Variants in SEC23B observed in about 807,000 individuals in gnomAD.
SEC23B encodes the protein protein transport protein Sec23B.
SEC23B carries 77 observed loss-of-function variants against 104.3 expected under a neutral mutation model. That is an observed-to-expected ratio of 0.74 (90% CI 0.61 to 0.89). SEC23B has a LOEUF of 0.89. Ranked by LOEUF, SEC23B falls within the 40% of genes least tolerant of loss-of-function variation. The probability of loss-of-function intolerance (pLI) is 0.00; values close to 1 mark genes in which losing one functional copy is unlikely to be tolerated. For missense variants in SEC23B, 885 were observed against 949.4 expected, an observed-to-expected ratio of 0.93 and a Z score of 0.89; for synonymous variants, 338 against 332.5, an observed-to-expected ratio of 1.02 and a Z score of -0.18.
intron 1 of SEC23B, 50 bp from the exon 2 acceptor site, chr20:18,510,772 T>G (rs756961943): frequency 3.5e-6 from 5 of 1,412,526 alleles, no homozygotes; most frequent in Non-Finnish European, 5.0e-6. Flanking sequence ...TTTTTGACAT[T>G]TAGTTCAGAA....
At chr20:18,512,400 G>A in intron 3 of SEC23B, 118 bp downstream of exon 3, 1 of 662,096 alleles carries the variant, frequency 1.5e-6, no homozygotes, top group Admixed American at 2.5e-5. Context: ...CTGAACTCAG[G>A]GTGATAACTT....
intron 15 of SEC23B, among the ~76,000 whole-genome samples, chr20:18,547,973 C>T (rs1017161277): frequency 9.2e-5 from 14 of 151,874 alleles, no homozygotes; most frequent in East Asian, 3.9e-4. Flanking sequence ...TTTTTTGAGA[C>T]GGAGTTTTGC....
chr20:18,555,314 G>A (rs747714499), intron 19 of SEC23B, 141 bp downstream of exon 19: 3 of 724,538 alleles, frequency 4.1e-6, no homozygotes, highest in Non-Finnish European at 7.2e-6. Context: ...GAGTGGCGGG[G>A]AGGGAAACAA....
intron 15 of SEC23B, among the ~76,000 whole-genome samples, chr20:18,546,555 A>G (rs1394531974): frequency 6.6e-6 from 1 of 152,236 alleles, no homozygotes; most frequent in African/African-American, 2.4e-5. Flanking sequence ...GAAGTAGATG[A>G]ATTTCCGTCT....
rs1329111874 is a variant in SEC23B, at chr20:18,542,927, C to A, written c.1512-92C>A. 2.0e-6 allele frequency: 3 copies of A among 1,519,766 alleles called. No individual in the cohort carries two copies. In the African/African-American group the frequency reaches 4.1e-5, roughly 21 times the overall value. 94.1% of individuals were successfully genotyped at this position (1,519,766 alleles called of 1,614,324 possible). A position where few individuals can be genotyped will look rare whatever the true frequency, so the allele number is the denominator to read the frequency against. Reference sequence around the variant, plus strand: ...GTGTTGGGATTTCAGGAATGAGCCACTGCACCTAGCCTGTGTTTCTTTTTC... The same window carrying A: ...GTGTTGGGATTTCAGGAATGAGCCAATGCACCTAGCCTGTGTTTCTTTTTC... On this transcript the variant is annotated intron_variant, in intron 13 of 19. Coordinates refer to ENST00000650089, the MANE Select transcript of SEC23B (RefSeq NM_006363.6).
chr20:18,545,819 G>A, intron 14 of SEC23B, 137 bp from the exon 15 acceptor site: 1 of 710,832 alleles, frequency 1.4e-6, no homozygotes, highest in Non-Finnish European at 2.6e-6. Context: ...AGAAGTGCTA[G>A]TCTAGGACTT....
intron 5 of SEC23B, 21 bp downstream of exon 5, chr20:18,524,690 G>A (rs1275079905): frequency 6.3e-7 from 1 of 1,590,332 alleles, no homozygotes; most frequent in South Asian, 1.1e-5. Flanking sequence ...TACTTGTACA[G>A]GAGCAGAAAC....
chr20:18,549,561 A>G (rs1334148186), intron 16 of SEC23B, among the ~76,000 whole-genome samples: 3 of 152,178 alleles, frequency 2.0e-5, no homozygotes, highest in South Asian at 2.1e-4. Context: ...AATAAAATAG[A>G]TAAGTCCTTA....
chr20:18,525,906 T>C lies in SEC23B; in HGVS notation c.808T>C (p.Leu270=). Reference sequence around the variant, plus strand: ...ACCTTTGCGATCCACTGGTGTGGCTTTGTCCATTGCTGTTGGCTTGCTGGA... The same window carrying C: ...ACCTTTGCGATCCACTGGTGTGGCTCTGTCCATTGCTGTTGGCTTGCTGGA... The part of the protein sequence containing the change: ...KRPLRSTGVA[L]SIAVGLLEGT... Residue 270 remains leucine (L), a synonymous_variant, in exon 7 of 20, where the codon TTG becomes CTG. Transcript: ENST00000650089. 1 of 1,614,224 alleles carries C rather than the reference T, an allele frequency of 6.2e-7. No homozygotes were observed. Among genetic ancestry groups the C allele is most frequent in the Non-Finnish European group, 8.5e-7 (1 of 1,180,024 alleles).
chr20:18,523,190 C>T (rs2060100103), intron 4 of SEC23B, among the ~76,000 whole-genome samples: 1 of 152,096 alleles, frequency 6.6e-6, no homozygotes, highest in Admixed American at 6.5e-5. Flanking sequence ...ACTCCAACCC[C>T]AGTATCTGCT....
At chr20:18,526,156 G>C (rs1330080630) in intron 7 of SEC23B, among the ~76,000 whole-genome samples, 2 of 152,190 alleles carry the variant, frequency 1.3e-5, no homozygotes, top group Admixed American at 1.3e-4. Context: ...GCAATAGGGA[G>C]CACTCAAACA....
intron 19 of SEC23B, among the ~76,000 whole-genome samples, chr20:18,558,522 C>G (rs1388758173): frequency 6.6e-6 from 1 of 152,146 alleles, no homozygotes; most frequent in Admixed American, 6.5e-5. Flanking sequence ...TCTTTTCTTT[C>G]TTTCTTGACA....
chr20:18,511,670 A>G (rs1333080924), intron 2 of SEC23B, among the ~76,000 whole-genome samples: 3 of 152,228 alleles, frequency 2.0e-5, no homozygotes, highest in Non-Finnish European at 4.4e-5. Context: ...ATGTGAATGC[A>G]TAGCCACTGG....
chr20:18,555,229 G>T, intron 19 of SEC23B, 56 bp downstream of exon 19: 3 of 1,409,332 alleles, frequency 2.1e-6, no homozygotes, highest in Non-Finnish European at 3.0e-6. Flanking sequence ...TTTTAAACTT[G>T]TTTTAAAATT....
intron 12 of SEC23B, among the ~76,000 whole-genome samples, chr20:18,539,533 T>TG (rs1417064571): frequency 6.9e-5 from 10 of 144,302 alleles, no homozygotes; most frequent in Non-Finnish European, 1.1e-4. Context: ...AAAAAAGAGA[T>TG]GGGGTCTCTC....
intron 4 of SEC23B, among the ~76,000 whole-genome samples, chr20:18,518,022 A>C (rs2060045714): frequency 6.6e-6 from 1 of 152,068 alleles, no homozygotes. Context: ...GAGCTTGGTG[A>C]GGTGTGTTTT....
chr20:18,526,628 G>T (rs945914188), intron 8 of SEC23B, 97 bp downstream of exon 8: 5 of 1,284,700 alleles, frequency 3.9e-6, no homozygotes, highest in Non-Finnish European at 4.5e-6. Flanking sequence ...CATGTGTCAT[G>T]GTCAGCAAGA....
At position 18,524,779 on chromosome 20, in the gene SEC23B, T is replaced by A. The variant is rs143007810; in HGVS notation, c.603+110T>A. 1.2e-5 allele frequency: 15 copies of A among 1,205,902 alleles called. No homozygotes were observed. The African/African-American group carries it at 2.3e-4, about 18-fold the overall frequency. 74.7% of individuals were successfully genotyped at this position (1,205,902 alleles called of 1,614,324 possible). ...GGCTGGAGTTCAGTGGTGTGATCAT[T>A]GCTCAATGGCTCAAGCCATTGGCCC... On this transcript the variant is annotated intron_variant, in intron 5 of 19. Coordinates refer to ENST00000650089, the MANE Select transcript of SEC23B (RefSeq NM_006363.6).
chr20:18,533,003 G>A (rs1314962180), intron 11 of SEC23B, among the ~76,000 whole-genome samples: 3 of 152,256 alleles, frequency 2.0e-5, no homozygotes, highest in Non-Finnish European at 4.4e-5. Flanking sequence ...AGGAGTTAGA[G>A]CCCAGGTGCC....
Sources: gnomAD v4.1 joint callset for allele counts (sites outside exome capture counted in the v4.1 genomes callset) on GRCh38, gnomAD v4.1.1 for gene constraint, MANE v1.5 for transcripts, NCBI Gene and HGNC (gene_info 2026-07-23, HGNC 2026-07-21) for gene names.